The following OR1B1 variants were observed in gnomAD, a reference collection of about 807,000 sequenced individuals.
The protein encoded by OR1B1 is olfactory receptor family 1 subfamily B member 1, also known as olfactory receptor 1B1.
For synonymous variants in OR1B1, 168 were observed against 156.2 expected, an observed-to-expected ratio of 1.08 and a Z score of -0.57; for missense variants, 414 against 402.1, an observed-to-expected ratio of 1.03 and a Z score of -0.25.
chr9:122,657,127 G>A, the OR1B1 span, among the ~76,000 whole-genome samples: 1 of 151,944 alleles, frequency 6.6e-6, no homozygotes, highest in Non-Finnish European at 1.5e-5. Context: ...TGGACCTTTA[G>A]GCTACAAAAG....
exon 1 of OR1B1, chr9:122,628,800 T>G: frequency 6.2e-7 from 1 of 1,613,976 alleles, no homozygotes; most frequent in Non-Finnish European, 8.5e-7. Context: ...GATCCACAGG[T>G]GGAGACTGCT....
At position 122,628,971 on chromosome 9, in the gene OR1B1, G is replaced by A. The variant is rs768502701; in HGVS notation, c.565C>T (p.Pro189Ser). Reference sequence around the variant, plus strand: ...TCAGAACAAGAGGCTCGCAGAAGTGGCCGGTGGTCACAAAAGAAGTGAGGA... The same window carrying A: ...TCAGAACAAGAGGCTCGCAGAAGTGACCGGTGGTCACAAAAGAAGTGAGGA... Residue 189 changes from proline to serine, a missense_variant, in exon 1 of 1, where the codon CCA becomes TCA. Transcript: ENST00000623530. The A allele has an allele frequency of 1.2e-6, 2 of 1,614,078 alleles. No homozygotes were observed. The highest frequency in any genetic ancestry group is 1.3e-5 in the African/African-American group (1 of 75,022).
the OR1B1 span, among the ~76,000 whole-genome samples, chr9:122,651,132 A>C: frequency 3.3e-5 from 5 of 152,232 alleles, no homozygotes. Flanking sequence ...TTTTAAAATT[A>C]AAACATATTT....
chr9:122,642,810 A>G, the OR1B1 span, among the ~76,000 whole-genome samples: 6 of 152,282 alleles, frequency 3.9e-5, no homozygotes, highest in East Asian at 1.2e-3. Flanking sequence ...TGGAGACGAA[A>G]TTGAATATAA....
the OR1B1 span, among the ~76,000 whole-genome samples, chr9:122,649,147 G>A: frequency 6.6e-6 from 1 of 152,038 alleles, no homozygotes; most frequent in Non-Finnish European, 1.5e-5. Flanking sequence ...ACAAGCAATG[G>A]GGGAAAGGAT....
chr9:122,630,922 AG>A (rs1830197162), upstream of OR1B1, among the ~76,000 whole-genome samples: 3 of 152,000 alleles, frequency 2.0e-5, no homozygotes, highest in Admixed American at 1.3e-4. Context: ...TGGCCAGGCT[AG>A]TCTCGAACTC....
the OR1B1 span, among the ~76,000 whole-genome samples, chr9:122,646,528 CAA>C: frequency 3.0e-5 from 4 of 135,480 alleles, no homozygotes; most frequent in Admixed American, 7.4e-5. Context: ...CAATGAAGAC[CAA>C]AAAAAAAAAG....
the OR1B1 span, among the ~76,000 whole-genome samples, chr9:122,656,126 GT>G: frequency 1.3e-5 from 2 of 152,246 alleles, no homozygotes; most frequent in African/African-American, 4.8e-5. Context: ...TGTTCAATAG[GT>G]TGTATCCATT....
chr9:122,646,591 C>G, the OR1B1 span, among the ~76,000 whole-genome samples: 4 of 149,654 alleles, frequency 2.7e-5, no homozygotes, highest in Non-Finnish European at 5.9e-5. Context: ...AAGACAAAAA[C>G]TGTAAGAAGA....
chr9:122,631,680 T>C (rs1349580807), upstream of OR1B1, among the ~76,000 whole-genome samples: 3 of 152,060 alleles, frequency 2.0e-5, no homozygotes, highest in Admixed American at 6.6e-5. Flanking sequence ...TTAACATCCG[T>C]GTGGAACAGG....
At chr9:122,634,345 A>AG (rs1564221205), upstream of OR1B1, among the ~76,000 whole-genome samples, 2 of 151,946 alleles carry the variant, frequency 1.3e-5, no homozygotes, top group African/African-American at 4.8e-5. Flanking sequence ...CAAAAAAAAA[A>AG]AAAAGAAAAG....
chr9:122,645,491 A>C, the OR1B1 span, among the ~76,000 whole-genome samples: 1 of 152,138 alleles, frequency 6.6e-6, no homozygotes, highest in Non-Finnish European at 1.5e-5. Flanking sequence ...GCATTTAATA[A>C]TCAAACTTCC....
upstream of OR1B1, among the ~76,000 whole-genome samples, chr9:122,633,663 C>T (rs1410409495): frequency 6.6e-6 from 1 of 152,068 alleles, no homozygotes; most frequent in Non-Finnish European, 1.5e-5. Flanking sequence ...GGCATGGTGG[C>T]TCATGCCTGT....
At chr9:122,634,489 G>A (rs1379843584), upstream of OR1B1, among the ~76,000 whole-genome samples, 1 of 152,106 alleles carries the variant, frequency 6.6e-6, no homozygotes, top group Non-Finnish European at 1.5e-5. Flanking sequence ...ATGGTGGAGG[G>A]CAAAGGAGAA....
At chr9:122,641,714 A>G in the OR1B1 span, among the ~76,000 whole-genome samples, 1 of 152,230 alleles carries the variant, frequency 6.6e-6, no homozygotes, top group Non-Finnish European at 1.5e-5. Flanking sequence ...TATCAACAAT[A>G]TAGCCTTGAA....
chr9:122,657,011 T>C, the OR1B1 span, among the ~76,000 whole-genome samples: 3 of 152,126 alleles, frequency 2.0e-5, no homozygotes, highest in African/African-American at 7.2e-5. Context: ...ATTCAATACA[T>C]ATTTCTAGTT....
At chr9:122,642,416 A>G in the OR1B1 span, among the ~76,000 whole-genome samples, 1 of 152,148 alleles carries the variant, frequency 6.6e-6, no homozygotes, top group Non-Finnish European at 1.5e-5. Flanking sequence ...AGATCTGGCC[A>G]TGGTGCTGAA....
the OR1B1 span, among the ~76,000 whole-genome samples, chr9:122,652,729 A>G: frequency 6.6e-6 from 1 of 152,190 alleles, no homozygotes; most frequent in Non-Finnish European, 1.5e-5. Flanking sequence ...TAACTGTATA[A>G]TGCTCAAGTT....
chr9:122,646,065 T>C, the OR1B1 span, among the ~76,000 whole-genome samples: 3,384 of 151,982 alleles, frequency 0.022, 122 homozygotes, highest in African/African-American at 0.077. Flanking sequence ...AAGTGTAGAG[T>C]TTTTATTCAT....
Sources: allele counts gnomAD v4.1 joint callset (sites outside exome capture counted in the v4.1 genomes callset), GRCh38; gene constraint gnomAD v4.1.1; transcripts MANE v1.5; gene names NCBI Gene and HGNC (gene_info 2026-07-23, HGNC 2026-07-21).